Variants in OPCML observed in about 807,000 individuals in gnomAD.
OPCML encodes the protein opioid binding protein/cell adhesion molecule like.
A neutral mutation model predicts 37.8 loss-of-function variants in OPCML; 13 were observed. The ratio of observed to expected loss-of-function variants is 0.34; its 90% CI spans 0.22 to 0.55. The LOEUF is 0.55. Among genes scored for constraint, OPCML ranks in the 20% least tolerant of loss-of-function variants. The pLI is 0.91. For missense variants in OPCML, 341 were observed against 435.6 expected, an observed-to-expected ratio of 0.78 and a Z score of 1.93; for synonymous variants, 176 against 168.8, an observed-to-expected ratio of 1.04 and a Z score of -0.33.
chr11:133,433,356 A>G (rs1367264168), intron 1 of OPCML, among the ~76,000 whole-genome samples: 1 of 151,930 alleles, frequency 6.6e-6, no homozygotes, highest in Non-Finnish European at 1.5e-5. Context: ...TTACACACAT[A>G]TATTTTATAT....
At chr11:132,420,358 A>G in intron 7 of OPCML, 65 bp from the exon 8 acceptor site, 2 of 1,586,418 alleles carry the variant, frequency 1.3e-6, no homozygotes, top group Non-Finnish European at 1.7e-6. Context: ...TTCTTCCCTG[A>G]CAAGCAAATA....
chr11:132,441,165 G>GTTTTTTTGTTTTTTTTTTTTTTTT (rs2096031931), intron 4 of OPCML, among the ~76,000 whole-genome samples: 1 of 72,402 alleles, frequency 1.4e-5, no homozygotes, highest in Non-Finnish European at 2.3e-5. Context: ...GGACTTTTTT[G>GTTTTTTTGTTTTTTTTTTTTTTTT]TTTTTTTTTT....
intron 2 of OPCML, among the ~76,000 whole-genome samples, chr11:132,917,797 GT>G (rs1041749143): frequency 7.2e-5 from 11 of 152,108 alleles, no homozygotes; most frequent in Non-Finnish European, 1.3e-4. Context: ...TTTGGGCTGG[GT>G]TTTCTGCTGT....
chr11:133,257,483 GGTTGT>G (rs1941351220), intron 1 of OPCML, among the ~76,000 whole-genome samples: 1 of 152,152 alleles, frequency 6.6e-6, no homozygotes, highest in Admixed American at 6.5e-5. Context: ...TCACAAGTTG[GGTTGT>G]GTGGCTGCTT....
intron 2 of OPCML, among the ~76,000 whole-genome samples, chr11:132,770,422 A>G (rs1361228004): frequency 6.6e-6 from 1 of 152,054 alleles, no homozygotes; most frequent in Admixed American, 6.5e-5. Flanking sequence ...GGGAGGGAAA[A>G]AGCAAGGGAT....
intron 2 of OPCML, among the ~76,000 whole-genome samples, chr11:132,939,614 G>A (rs952820029): frequency 4.6e-5 from 7 of 152,146 alleles, no homozygotes; most frequent in South Asian, 4.1e-4. Flanking sequence ...GTACACAGAT[G>A]ATGTGGACCC....
chr11:132,482,681 G>C (rs1366106036), intron 4 of OPCML, among the ~76,000 whole-genome samples: 1 of 152,112 alleles, frequency 6.6e-6, no homozygotes, highest in Non-Finnish European at 1.5e-5. Flanking sequence ...TAAAATACTG[G>C]CACACCGAAT....
At chr11:132,569,743 G>A (rs769746819) in intron 3 of OPCML, among the ~76,000 whole-genome samples, 8 of 152,136 alleles carry the variant, frequency 5.3e-5, no homozygotes, top group Non-Finnish European at 1.0e-4. Flanking sequence ...TAGATTACCT[G>A]CAAATAAGTG....
intron 1 of OPCML, among the ~76,000 whole-genome samples, chr11:132,987,592 C>T (rs1359135754): frequency 6.6e-6 from 1 of 152,146 alleles, no homozygotes; most frequent in Non-Finnish European, 1.5e-5. Flanking sequence ...TTTGTGATTT[C>T]AAATGACTAC....
intron 2 of OPCML, among the ~76,000 whole-genome samples, chr11:132,875,081 C>G (rs1184459515): frequency 6.6e-6 from 1 of 152,010 alleles, no homozygotes; most frequent in African/African-American, 2.4e-5. Context: ...TTGAATATAT[C>G]CAAAGAAAAG....
rs551138118 is a variant in OPCML, at chr11:133,385,463, C to T, written c.61+146801G>A. ...TATAGAAGGCAAAGGCTTGGTCGTC[C>T]GGCAGACAAGAGCTCAAGCCGAGAA... On this transcript the variant is annotated intron_variant, in intron 1 of 7. Coordinates refer to ENST00000524381, the MANE Select transcript of OPCML (RefSeq NM_001012393.5). 2.9e-4 allele frequency among the ~76,000 whole-genome samples: 44 copies of T among 152,256 alleles called. No homozygotes were observed. The South Asian group carries it at 7.9e-3, about 27-fold the overall frequency.
At chr11:132,878,318 C>T (rs574497608) in intron 2 of OPCML, among the ~76,000 whole-genome samples, 13 of 152,308 alleles carry the variant, frequency 8.5e-5, no homozygotes, top group Non-Finnish European at 1.3e-4. Context: ...AACATTGTTG[C>T]ATGAGATTAA....
intron 2 of OPCML, among the ~76,000 whole-genome samples, chr11:132,715,678 G>A (rs1944446230): frequency 6.6e-6 from 1 of 152,204 alleles, no homozygotes; most frequent in Non-Finnish European, 1.5e-5. Context: ...ACCTGGAAGG[G>A]TGTCCTCAAG....
intron 4 of OPCML, among the ~76,000 whole-genome samples, chr11:132,446,911 T>G (rs1187734847): frequency 6.6e-6 from 1 of 152,150 alleles, no homozygotes; most frequent in Non-Finnish European, 1.5e-5. Context: ...AGGCCCAGTT[T>G]CTTCAAGAAG....
intron 1 of OPCML, among the ~76,000 whole-genome samples, chr11:132,952,725 T>C (rs1591842136): frequency 6.6e-6 from 1 of 152,264 alleles, no homozygotes; most frequent in African/African-American, 2.4e-5. Flanking sequence ...TGAGTTTGTG[T>C]ACCCTCCTCT....
At chr11:133,450,452 AATC>A (rs1265539086) in intron 1 of OPCML, among the ~76,000 whole-genome samples, 3 of 151,562 alleles carry the variant, frequency 2.0e-5, no homozygotes, top group Non-Finnish European at 4.4e-5. Flanking sequence ...AAAAAGCTGT[AATC>A]AACCTTTCTA....
intron 2 of OPCML, among the ~76,000 whole-genome samples, chr11:132,822,173 G>A (rs891825205): frequency 6.6e-6 from 1 of 152,052 alleles, no homozygotes; most frequent in Admixed American, 6.6e-5. Context: ...CTACACAGCT[G>A]GTGTGCAGGG....
At chr11:132,892,596 G>T (rs539696935) in intron 2 of OPCML, among the ~76,000 whole-genome samples, 2 of 152,102 alleles carry the variant, frequency 1.3e-5, no homozygotes, top group African/African-American at 2.4e-5. Context: ...GCAAAACCCC[G>T]TCTCTACTAA....
At chr11:132,656,905 A>G (rs1941735563) in intron 3 of OPCML, among the ~76,000 whole-genome samples, 182 bp downstream of exon 3, 1 of 152,228 alleles carries the variant, frequency 6.6e-6, no homozygotes, top group Non-Finnish European at 1.5e-5. Flanking sequence ...CTTTGAGAAG[A>G]TATTCAGCAC....
Sources: gnomAD v4.1 joint callset for allele counts (sites outside exome capture counted in the v4.1 genomes callset) on GRCh38, gnomAD v4.1.1 for gene constraint, MANE v1.5 for transcripts, NCBI Gene and HGNC (gene_info 2026-07-23, HGNC 2026-07-21) for gene names.